Variants in ADAM12 observed in about 807,000 individuals in gnomAD.
ADAM12 encodes the protein ADAM metallopeptidase domain 12.
ADAM12 carries 70 observed loss-of-function variants against 106.4 expected under a neutral mutation model. The ratio of observed to expected loss-of-function variants is 0.66; its 90% CI spans 0.54 to 0.80. The LOEUF (loss-of-function observed/expected upper bound fraction) is 0.80, where lower values mean the gene tolerates loss of function less well. ADAM12 is among the 30% of genes least tolerant of loss of function. The pLI, the probability that ADAM12 is intolerant of heterozygous loss-of-function variation, is 0.00. For missense variants in ADAM12, 1,010 were observed against 1,171.9 expected, an observed-to-expected ratio of 0.86 and a Z score of 2.02; for synonymous variants, 420 against 433.5, an observed-to-expected ratio of 0.97 and a Z score of 0.39.
rs569236059 is a variant in ADAM12, at chr10:126,375,107, C to A, written c.88+12951G>T. Among the ~76,000 whole-genome samples the A allele has an allele frequency of 3.9e-5, 6 of 152,070 alleles. No homozygotes were observed. The South Asian group carries it at 8.3e-4, about 21-fold the overall frequency. ...CCTCTGGTTTGGTTATCCATACATACCTAGACTAACATTCATGAAAAAGAA... is the reference window on the plus strand; with the variant it reads ...CCTCTGGTTTGGTTATCCATACATAACTAGACTAACATTCATGAAAAAGAA... On this transcript the variant is annotated intron_variant, in intron 1 of 22. Transcript: ENST00000448723.
intron 21 of ADAM12, 101 bp from the exon 22 acceptor site, chr10:126,019,926 A>G (rs1396036596): frequency 1.5e-6 from 2 of 1,376,930 alleles, no homozygotes; most frequent in Non-Finnish European, 9.7e-7. Context: ...CTTCCTGAAT[A>G]TCATCCTGTC....
chr10:126,168,126 G>A (rs142730506), intron 3 of ADAM12, among the ~76,000 whole-genome samples: 1,969 of 152,320 alleles, frequency 0.013, 43 homozygotes, highest in African/African-American at 0.045. Context: ...TTCAAGTGGA[G>A]AGAGGTGCCT....
At chr10:126,216,052 C>T (rs562477469) in intron 3 of ADAM12, among the ~76,000 whole-genome samples, 10 of 152,272 alleles carry the variant, frequency 6.6e-5, no homozygotes, top group Admixed American at 2.0e-4. Context: ...TTTCCCCTTT[C>T]GAGGGTTTGC....
chr10:126,365,022 C>CA (rs1260505500), intron 1 of ADAM12, among the ~76,000 whole-genome samples: 2 of 152,162 alleles, frequency 1.3e-5, no homozygotes, highest in Non-Finnish European at 2.9e-5. Flanking sequence ...GATGTGTCTA[C>CA]AGCACACTCA....
intron 3 of ADAM12, among the ~76,000 whole-genome samples, chr10:126,214,180 A>G (rs1280298642): frequency 6.6e-6 from 1 of 152,230 alleles, no homozygotes; most frequent in Non-Finnish European, 1.5e-5. Context: ...GCTTACAGCT[A>G]CTAAGGAATG....
intron 8 of ADAM12, 151 bp downstream of exon 8, chr10:126,108,442 C>G (rs1955814160): frequency 1.5e-6 from 1 of 670,962 alleles, no homozygotes; most frequent in Non-Finnish European, 2.5e-6. Flanking sequence ...CCCCAGGACC[C>G]AGGAATTACA....
intron 5 of ADAM12, among the ~76,000 whole-genome samples, chr10:126,121,126 A>AGT (rs1565073968): frequency 1.7e-5 from 1 of 57,556 alleles, no homozygotes; most frequent in African/African-American, 7.7e-5. Flanking sequence ...TATATAGTAT[A>AGT]TATACTATAT....
At chr10:126,274,355 C>A (rs535492141) in intron 3 of ADAM12, among the ~76,000 whole-genome samples, 1 of 152,334 alleles carries the variant, frequency 6.6e-6, no homozygotes, top group Admixed American at 6.5e-5. Context: ...CCACATATAC[C>A]CCCACACGCT....
chr10:126,012,565 G>C lies in ADAM12; in HGVS notation c.*4714C>G, dbSNP rs1953588472. ...GCAAACCAAAGCATGATAAATGGATGAAGCACTATAAAATTACTTTGCTGT... is the reference window on the plus strand; with the variant it reads ...GCAAACCAAAGCATGATAAATGGATCAAGCACTATAAAATTACTTTGCTGT... On this transcript the variant is annotated 3_prime_UTR_variant, in exon 23 of 23. Transcript: ENST00000448723. 6.6e-6 allele frequency: 1 copy of C among 152,124 alleles called. No individual in the cohort carries two copies. The allele number at this position is 152,124 out of a possible 1,614,324, so 9.4% of individuals were successfully genotyped here. A position where few individuals can be genotyped will look rare whatever the true frequency, so the allele number is the denominator to read the frequency against.
At chr10:126,330,223 C>T (rs1854459778) in intron 2 of ADAM12, among the ~76,000 whole-genome samples, 189 bp downstream of exon 2, 1 of 152,140 alleles carries the variant, frequency 6.6e-6, no homozygotes, top group Non-Finnish European at 1.5e-5. Flanking sequence ...AATGTTGGAT[C>T]CCTCATCAGC....
At chr10:126,383,731 T>G (rs980183174) in intron 1 of ADAM12, among the ~76,000 whole-genome samples, 8 of 152,140 alleles carry the variant, frequency 5.3e-5, no homozygotes, top group African/African-American at 1.9e-4. Flanking sequence ...ATTTCTTTCT[T>G]GGAATTTTAT....
chr10:126,143,485 GCA>G (rs1956562644), intron 4 of ADAM12, among the ~76,000 whole-genome samples: 1 of 151,334 alleles, frequency 6.6e-6, no homozygotes, highest in Non-Finnish European at 1.5e-5. Flanking sequence ...TATATGGTGT[GCA>G]TATATGTATA....
At chr10:126,146,636 C>T (rs1181665855) in intron 4 of ADAM12, among the ~76,000 whole-genome samples, 1 of 152,158 alleles carries the variant, frequency 6.6e-6, no homozygotes, top group Non-Finnish European at 1.5e-5. Flanking sequence ...CTTCAGCACA[C>T]CGGTGGCACA....
intron 2 of ADAM12, among the ~76,000 whole-genome samples, chr10:126,307,198 C>T (rs1402523347): frequency 6.6e-6 from 1 of 152,206 alleles, no homozygotes; most frequent in Non-Finnish European, 1.5e-5. Context: ...ATCCAGGTCA[C>T]TACTGAAATT....
chr10:126,142,131 C>T (rs1389145876), intron 4 of ADAM12, among the ~76,000 whole-genome samples: 1 of 152,156 alleles, frequency 6.6e-6, no homozygotes, highest in African/African-American at 2.4e-5. Context: ...ACATGAGTTT[C>T]TCTCTCTTTT....
intron 20 of ADAM12, among the ~76,000 whole-genome samples, chr10:126,037,300 T>A (rs1337266086): frequency 1.3e-5 from 2 of 151,310 alleles, no homozygotes; most frequent in African/African-American, 2.4e-5. Flanking sequence ...TTTTTTTTTT[T>A]AATAGAGCTG....
intron 21 of ADAM12, among the ~76,000 whole-genome samples, chr10:126,033,088 C>T (rs1040362688): frequency 6.6e-6 from 1 of 152,070 alleles, no homozygotes; most frequent in Non-Finnish European, 1.5e-5. Flanking sequence ...TAGGAAAAGA[C>T]AAGTCACAGA....
intron 2 of ADAM12, among the ~76,000 whole-genome samples, chr10:126,293,690 TG>T (rs1395082252): frequency 6.6e-6 from 1 of 152,254 alleles, no homozygotes; most frequent in East Asian, 1.9e-4. Context: ...GGCCAATTTT[TG>T]TTGTTTTTTA....
chr10:126,247,815 T>A (rs1424554319), intron 3 of ADAM12, among the ~76,000 whole-genome samples: 1 of 152,194 alleles, frequency 6.6e-6, no homozygotes, highest in Non-Finnish European at 1.5e-5. Flanking sequence ...ACAGTGGCCA[T>A]AACTTCACCT....
Sources: gnomAD v4.1 joint callset for allele counts (sites outside exome capture counted in the v4.1 genomes callset) on GRCh38, gnomAD v4.1.1 for gene constraint, MANE v1.5 for transcripts, NCBI Gene and HGNC (gene_info 2026-07-23, HGNC 2026-07-21) for gene names.